The following TFE3 variants were observed in gnomAD, a reference collection of about 807,000 sequenced individuals.
TFE3 encodes the protein transcription factor E3.
In TFE3, 5 loss-of-function variants were observed where a neutral mutation model predicts 35.0. That is an observed-to-expected ratio of 0.14 (90% CI 0.07 to 0.30). The LOEUF (loss-of-function observed/expected upper bound fraction) is 0.30. TFE3 is among the 10% of genes least tolerant of loss of function. The probability of loss-of-function intolerance (pLI) is 1.00; values close to 1 mark genes in which losing one functional copy is unlikely to be tolerated. For missense variants in TFE3, 374 were observed against 496.6 expected, an observed-to-expected ratio of 0.75 and a Z score of 2.35; for synonymous variants, 211 against 215.6, an observed-to-expected ratio of 0.98 and a Z score of 0.18.
At chrX:49,033,321 A>C (rs1483301731) in intron 8 of TFE3, 144 bp downstream of exon 8, 9 of 526,453 alleles carry the variant, frequency 1.7e-5, no homozygotes, top group Non-Finnish European at 2.7e-5. Flanking sequence ...GAGGGTCTGC[A>C]ACCCTGCTCA....
rs1557073402 is a variant in TFE3, at chrX:49,030,039, T to C, written c.*119A>G. 1 of 792,087 alleles carries C rather than the reference T, an allele frequency of 1.3e-6. No individual in the cohort carries two copies. Among genetic ancestry groups the C allele is most frequent in the East Asian group, 3.2e-5 (1 of 31,682 alleles). The allele number at this position is 792,087 out of a possible 1,213,427, so 65.3% of individuals were successfully genotyped here. A position where few individuals can be genotyped will look rare whatever the true frequency, so the allele number is the denominator to read the frequency against. ...GGGTGGGGCCTGATCACATCTCCTC[T>C]TCCCCCAGGATACCTGGGCAGGGCA... On this transcript the variant is annotated 3_prime_UTR_variant, in exon 10 of 10. Transcript: ENST00000315869.
intron 3 of TFE3, 117 bp from the exon 4 acceptor site, chrX:49,038,559 C>G: frequency 1.1e-6 from 1 of 942,062 alleles, no homozygotes; most frequent in East Asian, 3.4e-5. Context: ...CTCACGCAGA[C>G]AAGCTGGGCC....
At chrX:49,033,032 C>G (rs1272993879) in intron 8 of TFE3, among the ~76,000 whole-genome samples, 2 of 107,943 alleles carry the variant, frequency 1.9e-5, no homozygotes, top group Non-Finnish European at 3.8e-5. Context: ...AAACTCCTGA[C>G]CTTAGGTGAT....
intron 3 of TFE3, 135 bp downstream of exon 3, chrX:49,038,972 C>T (rs2147776974): frequency 1.7e-6 from 1 of 600,842 alleles, no homozygotes; most frequent in Middle Eastern, 5.6e-4. Context: ...ATAATTTAAA[C>T]AGTACCAGGG....
rs2147775913 is a variant in TFE3 at position 49,038,081 on chromosome X, C to G, written c.814G>C (p.Glu272Gln). 1 of 1,208,433 alleles carries G rather than the reference C, an allele frequency of 8.3e-7. No individual in the cohort carries two copies. The highest frequency in any genetic ancestry group is 1.8e-5 in the South Asian group (1 of 56,256). The change falls in exon 5 of 10, where the codon GAG becomes CAG. Residue 272 changes from glutamate to glutamine, a missense_variant. By Grantham distance (29) the Glu-to-Gln change is conservative. Transcript: ENST00000315869. ...DDVIDEIISL[E>Q]SSYNDEMLSY... ...AGCATTTCATCATTGTAACTGGACT[C>G]CAGGCTGATGATCTCATCAATGACA...
At chrX:49,033,671 C>CG in intron 7 of TFE3, 55 bp downstream of exon 7, 1 of 1,196,055 alleles carries the variant, frequency 8.4e-7, no homozygotes, top group Non-Finnish European at 1.1e-6. Flanking sequence ...GGCCAGGACT[C>CG]GGGGTGAGGC....
chrX:49,038,339 G>T lies in TFE3; in HGVS notation c.638C>A (p.Ser213Tyr). The T allele has an allele frequency of 8.3e-7, 1 of 1,207,304 alleles. No homozygotes were observed. ...CCCCGGCGGTGGGGTGAGGGCCTGG[G>T]AAGCCAGCTTGGGCCCGAGTGTGGT... Reference protein sequence around the residue: ...LSTTLGPKLASQALTPPPGPA... With the variant: ...LSTTLGPKLAYQALTPPPGPA... The change falls in exon 4 of 10, where the codon TCC becomes TAC. Residue 213 changes from serine (S) to tyrosine (Y), a missense_variant. Coordinates refer to ENST00000315869, the MANE Select transcript of TFE3 (RefSeq NM_006521.6).
At position 49,038,010 on chromosome X, in the gene TFE3, C is replaced by T. The variant is rs2147775577; in HGVS notation, c.885G>A (p.Thr295=). ...CCAACCTCCCATCTCAGGGCCTCAC[C>T]GTGCTGGGGAGCTGCAGTCCTGTGG... is the stretch of plus-strand genomic sequence containing the variant. ...GGTTGLQLPS[T]LPVSGNLLDV... is the part of the protein sequence containing the mutation. Residue 295 remains threonine (T), a splice_region_variant and synonymous_variant, in exon 5 of 10, where the codon ACG becomes ACA. Coordinates refer to ENST00000315869, the MANE Select transcript of TFE3 (RefSeq NM_006521.6). 8.4e-7 allele frequency: 1 copy of T among 1,195,066 alleles called. No homozygotes were observed. The highest frequency in any genetic ancestry group is 1.1e-6 in the Non-Finnish European group (1 of 885,798).
rs1190006594 is a variant in TFE3 at position 49,029,430 on chromosome X, G to A, written c.*728C>T. On this transcript the variant is annotated 3_prime_UTR_variant, in exon 10 of 10. Coordinates refer to ENST00000315869, the MANE Select transcript of TFE3 (RefSeq NM_006521.6). ...TGGAATGCTTAGATGGGATGTTGCT[G>A]AGGGACAAGGGTGGGGCTGTGATCT... 1.7e-5 allele frequency: 4 copies of A among 237,188 alleles called. No homozygotes were observed. Among genetic ancestry groups the A allele is most frequent in the Non-Finnish European group, 3.2e-5 (4 of 125,285 alleles). 19.5% of individuals were successfully genotyped at this position (237,188 alleles called of 1,213,427 possible).
Position 49,043,240 on chromosome X carries a change from G to A in TFE3, c.-14C>T. 4 of 1,135,936 alleles carry A rather than the reference G, an allele frequency of 3.5e-6. No individual in the cohort carries two copies. Among genetic ancestry groups the A allele is most frequent in the Non-Finnish European group, 4.7e-6 (4 of 855,828 alleles). The allele number at this position is 1,135,936 out of a possible 1,213,427, so 93.6% of individuals were successfully genotyped here. A position where few individuals can be genotyped will look rare whatever the true frequency, so the allele number is the denominator to read the frequency against. ...CGCATGAGACATGACGCCCGGCCCC[G>A]GGCGAGCCCTGCCAGGCCGGTCGGG... On this transcript the variant is annotated 5_prime_UTR_variant, in exon 1 of 10. Transcript: ENST00000315869.
Position 49,037,694 on chromosome X carries a change from G to A in TFE3, c.885+316C>T, listed in dbSNP as rs369572083. 3.3e-4 allele frequency: 57 copies of A among 171,377 alleles called. 1 individual carries two copies. The East Asian group carries it at 4.5e-3, about 13-fold the overall frequency. The allele number at this position is 171,377 out of a possible 1,213,427, so 14.1% of individuals were successfully genotyped here. A position where few individuals can be genotyped will look rare whatever the true frequency, so the allele number is the denominator to read the frequency against. ...AGCCTGGGTGACAGAGCGAGACTCC[G>A]TCTCGAAAAAAAAAAAAAAAAAAGA... is the stretch of plus-strand genomic sequence containing the variant. On this transcript the variant is annotated intron_variant, in intron 5 of 9. Coordinates refer to ENST00000315869, the MANE Select transcript of TFE3 (RefSeq NM_006521.6).
intron 2 of TFE3, 40 bp downstream of exon 2, chrX:49,040,415 A>C (rs368527575): frequency 9.4e-7 from 1 of 1,064,482 alleles, no homozygotes; most frequent in Non-Finnish European, 1.3e-6. Context: ...AGGAGGGCTG[A>C]GGAATTGGGA....
chrX:49,032,391 C>T (rs781891286), intron 8 of TFE3, among the ~76,000 whole-genome samples: 9 of 110,916 alleles, frequency 8.1e-5, no homozygotes, highest in African/African-American at 2.9e-4. Context: ...TACGCCACCA[C>T]GCCCAGCTAA....
At chrX:49,033,117 G>C (rs1487263205) in intron 8 of TFE3, among the ~76,000 whole-genome samples, 4 of 109,442 alleles carry the variant, frequency 3.7e-5, no homozygotes, top group African/African-American at 1.3e-4. Context: ...AATAAATCTT[G>C]AATAAATAAA....
intron 5 of TFE3, chrX:49,037,741 C>A: frequency 3.6e-6 from 1 of 280,705 alleles, no homozygotes; most frequent in East Asian, 6.3e-5. Flanking sequence ...TGGTACTTCT[C>A]ACAGCAAAGC....
intron 8 of TFE3, among the ~76,000 whole-genome samples, chrX:49,032,534 C>T (rs1391045695): frequency 1.8e-5 from 2 of 109,530 alleles, no homozygotes; most frequent in African/African-American, 3.3e-5. Context: ...CACCACGCCC[C>T]GCTAATTTTT....
intron 5 of TFE3, among the ~76,000 whole-genome samples, chrX:49,035,990 T>G (rs1278186465): frequency 9.2e-6 from 1 of 108,463 alleles, no homozygotes; most frequent in Non-Finnish European, 1.9e-5. Flanking sequence ...GGCAACACAG[T>G]GAGACCCTGT....
Position 49,040,490 on chromosome X carries a change from G to A in TFE3, c.195C>T (p.Tyr65=), listed in dbSNP as rs1234500432. The part of the protein sequence containing the change: ...LENVLDPDSF[Y]ELKSQPLPLR... Reference sequence around the variant, plus strand: ...GGGGTAAGGGTTGGCTTTTGAGCTCGTAGAAGCTGTCAGGATCAAGGACGT... The same window carrying A: ...GGGGTAAGGGTTGGCTTTTGAGCTCATAGAAGCTGTCAGGATCAAGGACGT... The change falls in exon 2 of 10, where the codon TAC becomes TAT. Residue 65 remains tyrosine (Y), a synonymous_variant. Transcript: ENST00000315869. 17 of 1,208,716 alleles carry A rather than the reference G, an allele frequency of 1.4e-5. No homozygotes were observed. Among genetic ancestry groups the A allele is most frequent in the Non-Finnish European group, 1.8e-5 (16 of 894,615 alleles).
intron 2 of TFE3, among the ~76,000 whole-genome samples, chrX:49,039,966 C>T (rs954176647): frequency 3.6e-5 from 4 of 110,220 alleles, no homozygotes; most frequent in African/African-American, 1.3e-4. Context: ...CCCTCTTCCC[C>T]CTCCCCTCCC....
Sources: allele counts gnomAD v4.1 joint callset (sites outside exome capture counted in the v4.1 genomes callset), GRCh38; gene constraint gnomAD v4.1.1; transcripts MANE v1.5; gene names NCBI Gene and HGNC (gene_info 2026-07-23, HGNC 2026-07-21).